The following DGKB variants were observed in gnomAD, a reference collection of about 807,000 sequenced individuals.
The protein encoded by DGKB is 90 kDa diacylglycerol kinase.
In DGKB, 67 loss-of-function variants were observed where a neutral mutation model predicts 114.3. That is an observed-to-expected ratio of 0.59 (90% CI 0.48 to 0.72). DGKB has a LOEUF of 0.72. Among genes scored for constraint, DGKB ranks in the 30% least tolerant of loss-of-function variants. DGKB has a pLI of 0.00. For missense variants in DGKB, 907 were observed against 975.2 expected (o/e 0.93, Z 0.93); for synonymous variants, 398 against 323.1 (o/e 1.23, Z -2.49).
chr7:14,664,981 G>A (rs1817771393), intron 13 of DGKB, among the ~76,000 whole-genome samples: 2 of 151,874 alleles, frequency 1.3e-5, no homozygotes, highest in African/African-American at 2.4e-5. Context: ...CAGATATTGT[G>A]TATAAAAATA....
At chr7:14,650,682 C>T (rs1458414124) in intron 13 of DGKB, among the ~76,000 whole-genome samples, 4 of 101,230 alleles carry the variant, frequency 4.0e-5, no homozygotes, top group Non-Finnish European at 8.0e-5. Flanking sequence ...CACAAAAAAC[C>T]CTTCAAAAAA....
At chr7:14,722,657 C>T (rs986742640) in intron 5 of DGKB, among the ~76,000 whole-genome samples, 2 of 151,954 alleles carry the variant, frequency 1.3e-5, no homozygotes, top group African/African-American at 4.8e-5. Flanking sequence ...ACTAAAAATA[C>T]AAAAATTAGC....
intron 23 of DGKB, among the ~76,000 whole-genome samples, chr7:14,256,446 T>A (rs1258239386): frequency 8.0e-6 from 1 of 124,738 alleles, no homozygotes; most frequent in Admixed American, 8.6e-5. Flanking sequence ...TTTATTTTTA[T>A]TTCCATTCTA....
chr7:14,838,840 T>C (rs1316909561), intron 2 of DGKB, among the ~76,000 whole-genome samples: 1 of 152,222 alleles, frequency 6.6e-6, no homozygotes, highest in Admixed American at 6.5e-5. Flanking sequence ...TTTGATATGC[T>C]TGCATTCTTA....
At chr7:14,803,399 G>C (rs535792501) in intron 2 of DGKB, among the ~76,000 whole-genome samples, 39 of 152,194 alleles carry the variant, frequency 2.6e-4, no homozygotes, top group African/African-American at 9.4e-4. Flanking sequence ...TATTATACCA[G>C]TTAATTCTAT....
At chr7:14,853,172 C>G (rs1053122188) in intron 1 of DGKB, among the ~76,000 whole-genome samples, 1 of 151,960 alleles carries the variant, frequency 6.6e-6, no homozygotes, top group Non-Finnish European at 1.5e-5. Flanking sequence ...TTTTACCAAA[C>G]GATATTTGAT....
intron 21 of DGKB, among the ~76,000 whole-genome samples, chr7:14,412,373 T>C (rs1285149900): frequency 1.3e-5 from 2 of 152,172 alleles, no homozygotes; most frequent in East Asian, 3.9e-4. Context: ...TGTGGAAGAA[T>C]GTAACAGGCA....
intron 13 of DGKB, among the ~76,000 whole-genome samples, chr7:14,659,016 T>C (rs1816459046): frequency 6.6e-6 from 1 of 151,870 alleles, no homozygotes. Flanking sequence ...ACCCATCATC[T>C]AGGTTTCAAG....
At chr7:14,417,606 C>T (rs1252900757) in intron 21 of DGKB, among the ~76,000 whole-genome samples, 1 of 151,846 alleles carries the variant, frequency 6.6e-6, no homozygotes, top group Non-Finnish European at 1.5e-5. Flanking sequence ...TTAAGAAACT[C>T]CCTAAATAAT....
Position 14,614,915 on chromosome 7 carries a change from T to C in DGKB, c.1285-1502A>G, listed in dbSNP as rs556555087. On this transcript the variant is annotated intron_variant, in intron 15 of 25. Coordinates refer to ENST00000402815, the MANE Select transcript of DGKB (RefSeq NM_001350709.2). ...CTTCCCAGGTCTCCCCTGAACCAAA[T>C]GTGTGCAATCAATTAATGTACATAA... Among the ~76,000 whole-genome samples the C allele has an allele frequency of 2.0e-5, 3 of 152,174 alleles. No homozygotes were observed. The South Asian group carries it at 6.2e-4, about 32-fold the overall frequency.
At chr7:14,872,470 T>C (rs778572728) in intron 1 of DGKB, among the ~76,000 whole-genome samples, 27 of 152,176 alleles carry the variant, frequency 1.8e-4, no homozygotes, top group Non-Finnish European at 3.2e-4. Flanking sequence ...AGAAAGTAAC[T>C]TCACAGCTAA....
At chr7:14,836,883 A>G (rs1242034097) in intron 2 of DGKB, among the ~76,000 whole-genome samples, 1 of 152,258 alleles carries the variant, frequency 6.6e-6, no homozygotes, top group African/African-American at 2.4e-5. Flanking sequence ...CTAGTGGAAG[A>G]AAAACAGACA....
At chr7:14,850,342 T>A (rs1223816698) in intron 1 of DGKB, among the ~76,000 whole-genome samples, 1 of 54,576 alleles carries the variant, frequency 1.8e-5, no homozygotes, top group East Asian at 0.019. Flanking sequence ...TCGAGAGACT[T>A]TTTTTTTCTT....
intron 21 of DGKB, among the ~76,000 whole-genome samples, chr7:14,469,375 ATATTTTT>A (rs1780940528): frequency 6.6e-6 from 1 of 152,106 alleles, no homozygotes; most frequent in Non-Finnish European, 1.5e-5. Context: ...AACTTTATTA[ATATTTTT>A]TGTTACTTCA....
chr7:14,717,019 G>T (rs1828305824), intron 6 of DGKB, among the ~76,000 whole-genome samples: 2 of 151,100 alleles, frequency 1.3e-5, no homozygotes, highest in Admixed American at 6.6e-5. Flanking sequence ...ACAGAGAGAA[G>T]GGGGTTGAGA....
chr7:14,723,562 T>C lies in DGKB; in HGVS notation c.323-4877A>G, dbSNP rs563988577. 1.7e-4 allele frequency among the ~76,000 whole-genome samples: 26 copies of C among 149,202 alleles called. 2 individuals are homozygous for C. In the South Asian group the frequency reaches 5.0e-3, roughly 29 times the overall value. Reference sequence around the variant, plus strand: ...AAAGTGAAGCAAATGTGTGTGTGTGTATATATATGTGTGTGTGTGTGTATA... The same window carrying C: ...AAAGTGAAGCAAATGTGTGTGTGTGCATATATATGTGTGTGTGTGTGTATA... On this transcript the variant is annotated intron_variant, in intron 5 of 25. Coordinates refer to ENST00000402815, the MANE Select transcript of DGKB (RefSeq NM_001350709.2).
intron 21 of DGKB, among the ~76,000 whole-genome samples, chr7:14,418,373 A>G (rs111358577): frequency 0.028 from 909 of 32,582 alleles, 22 homozygotes; most frequent in African/African-American, 0.14. Context: ...GTGTGTGTGT[A>G]TATATATATA....
chr7:14,914,565 TCAGTTACCAAATA>T (rs1384922943), intron 1 of DGKB, among the ~76,000 whole-genome samples: 3 of 152,094 alleles, frequency 2.0e-5, no homozygotes, highest in Admixed American at 2.0e-4. Flanking sequence ...CTCAGTTACC[TCAGTTACCAAATA>T]CAGCATGTCT....
At chr7:14,931,573 TTGCTG>T (rs1160404197) in intron 1 of DGKB, among the ~76,000 whole-genome samples, 1 of 152,136 alleles carries the variant, frequency 6.6e-6, no homozygotes, top group Non-Finnish European at 1.5e-5. Context: ...GAAGTGACCA[TTGCTG>T]TGCTGAGATC....
Sources: gnomAD v4.1 joint callset for allele counts (sites outside exome capture counted in the v4.1 genomes callset) on GRCh38, gnomAD v4.1.1 for gene constraint, MANE v1.5 for transcripts, NCBI Gene and HGNC (gene_info 2026-07-23, HGNC 2026-07-21) for gene names.